Variants in COMMD1 observed in about 807,000 individuals in gnomAD.
COMMD1 encodes the protein COMM domain-containing protein 1.
Under a neutral mutation model 17.2 loss-of-function variants are expected in COMMD1, and 10 were observed. The observed-to-expected ratio is 0.58, with a 90% CI of 0.36 to 0.99. The LOEUF (loss-of-function observed/expected upper bound fraction) is 0.99. Among genes scored for constraint, COMMD1 ranks in the 50% least tolerant of loss-of-function variants. The pLI, the probability that COMMD1 is intolerant of heterozygous loss-of-function variation, is 0.01. For synonymous variants in COMMD1, 97 were observed against 91.6 expected (o/e 1.06, Z -0.34); for missense variants, 270 against 231.8 (o/e 1.17, Z -1.07).
chr2:62,126,295 G>A (rs1055099905), intron 2 of COMMD1, among the ~76,000 whole-genome samples: 6 of 152,314 alleles, frequency 3.9e-5, no homozygotes, highest in African/African-American at 1.4e-4. Flanking sequence ...CCAGTAAGGG[G>A]ATTGCTGGGT....
intron 2 of COMMD1, among the ~76,000 whole-genome samples, chr2:62,106,088 C>G (rs914457209): frequency 1.6e-4 from 25 of 152,150 alleles, no homozygotes; most frequent in African/African-American, 5.8e-4. Flanking sequence ...CCTCAAAATC[C>G]TGTACTCAAG....
chr2:62,096,629 A>G (rs1324494750), intron 2 of COMMD1, among the ~76,000 whole-genome samples: 1 of 152,114 alleles, frequency 6.6e-6, no homozygotes, highest in South Asian at 2.1e-4. Flanking sequence ...CTGCCTGTCA[A>G]CTCTAAGAAT....
intron 2 of COMMD1, among the ~76,000 whole-genome samples, chr2:62,008,094 G>C (rs1669172778): frequency 6.6e-6 from 1 of 152,118 alleles, no homozygotes; most frequent in African/African-American, 2.4e-5. Flanking sequence ...AGGATCCCTT[G>C]TGCCCAGGAG....
chr2:62,086,419 G>C (rs1671670147), intron 2 of COMMD1, among the ~76,000 whole-genome samples: 1 of 151,606 alleles, frequency 6.6e-6, no homozygotes, highest in South Asian at 2.1e-4. Flanking sequence ...GCTGAGGCAG[G>C]AGAATCGCGT....
intron 1 of COMMD1, among the ~76,000 whole-genome samples, chr2:61,919,263 C>T (rs1051951090): frequency 2.0e-5 from 3 of 152,160 alleles, no homozygotes; most frequent in Non-Finnish European, 2.9e-5. Context: ...GTGCCCGCCT[C>T]GGCCTCCCAA....
At position 62,103,909 on chromosome 2, in the gene COMMD1, C is replaced by T. The variant is rs375987472; in HGVS notation, c.463-31922C>T. On this transcript the variant is annotated intron_variant, in intron 2 of 2. Coordinates refer to ENST00000311832, the MANE Select transcript of COMMD1 (RefSeq NM_152516.4). ...ACGCTGGAGTGCAGTGGCATGATCTCGGCTTACTGCGACCTCTGCCTCCCA... is the reference window on the plus strand; with the variant it reads ...ACGCTGGAGTGCAGTGGCATGATCTTGGCTTACTGCGACCTCTGCCTCCCA... 9.9e-5 allele frequency among the ~76,000 whole-genome samples: 15 copies of T among 152,074 alleles called. No homozygotes were observed. The East Asian group carries it at 1.2e-3, about 12-fold the overall frequency.
At chr2:62,093,962 G>A (rs1444289403) in intron 2 of COMMD1, among the ~76,000 whole-genome samples, 1 of 152,182 alleles carries the variant, frequency 6.6e-6, no homozygotes, top group Non-Finnish European at 1.5e-5. Context: ...ATTCCTTGGA[G>A]TTGGACACTT....
intron 2 of COMMD1, among the ~76,000 whole-genome samples, chr2:62,096,374 A>C (rs918759368): frequency 2.6e-5 from 4 of 152,218 alleles, no homozygotes; most frequent in African/African-American, 9.6e-5. Context: ...AACAGCTTTC[A>C]CCAACAAGTC....
chr2:62,017,713 T>A (rs1043292915), intron 2 of COMMD1, among the ~76,000 whole-genome samples: 2 of 150,828 alleles, frequency 1.3e-5, no homozygotes. Context: ...ATCTTTTGGC[T>A]GTGTGGCTCT....
intron 2 of COMMD1, among the ~76,000 whole-genome samples, chr2:62,024,025 T>A (rs908607685): frequency 7.2e-5 from 11 of 152,192 alleles, no homozygotes; most frequent in South Asian, 2.1e-4. Context: ...ATCTAAATTT[T>A]AAAAAAATGT....
chr2:61,996,826 C>T (rs764089615), intron 1 of COMMD1, among the ~76,000 whole-genome samples: 1 of 152,212 alleles, frequency 6.6e-6, no homozygotes. Context: ...TATGCAGTTA[C>T]TTCCTCCACT....
chr2:62,015,522 C>A (rs1485360118), intron 2 of COMMD1, among the ~76,000 whole-genome samples: 1 of 151,936 alleles, frequency 6.6e-6, no homozygotes. Flanking sequence ...GTTTTTAATT[C>A]TTTTGGGTAT....
intron 1 of COMMD1, among the ~76,000 whole-genome samples, chr2:61,961,001 G>A (rs75034228): frequency 3.3e-5 from 5 of 152,054 alleles, no homozygotes; most frequent in African/African-American, 1.2e-4. Context: ...CTCTTCTCCC[G>A]GGGGCTGCCG....
At position 62,136,030 on chromosome 2, in the gene COMMD1, G is replaced by T; in HGVS notation, c.*89G>T. On this transcript the variant is annotated 3_prime_UTR_variant, in exon 3 of 3. Transcript: ENST00000311832. ...CTTTTCTAAGAAAATTCTTGTGCCC[G>T]CATTGGTATTAAATCCTCGCATTCA... The T allele has an allele frequency of 1.3e-6, 1 of 748,616 alleles. No homozygotes were observed. The highest frequency in any genetic ancestry group is 1.4e-5 in the South Asian group (1 of 71,146). The allele number at this position is 748,616 out of a possible 1,614,324, so 46.4% of individuals were successfully genotyped here.
At chr2:61,961,210 C>G (rs913139932) in intron 1 of COMMD1, among the ~76,000 whole-genome samples, 2 of 152,154 alleles carry the variant, frequency 1.3e-5, no homozygotes, top group Non-Finnish European at 2.9e-5. Flanking sequence ...CAGTAGCTGT[C>G]CAGCCACCAA....
chr2:62,050,412 T>A (rs532989512), intron 2 of COMMD1, among the ~76,000 whole-genome samples: 1 of 152,210 alleles, frequency 6.6e-6, no homozygotes, highest in Non-Finnish European at 1.5e-5. Flanking sequence ...GTATTTTGTG[T>A]ATCTTTCAGT....
chr2:62,052,782 TATC>T (rs1670573376), intron 2 of COMMD1, among the ~76,000 whole-genome samples: 1 of 152,104 alleles, frequency 6.6e-6, no homozygotes, highest in African/African-American at 2.4e-5. Context: ...ATCAAAAAAA[TATC>T]ATTCTTGGCC....
intron 1 of COMMD1, among the ~76,000 whole-genome samples, chr2:61,971,995 T>C (rs1181799801): frequency 6.6e-6 from 1 of 152,120 alleles, no homozygotes; most frequent in Non-Finnish European, 1.5e-5. Flanking sequence ...TGGTGGCACA[T>C]GTCTTTAGTT....
At chr2:62,051,765 A>T (rs1670542961) in intron 2 of COMMD1, among the ~76,000 whole-genome samples, 1 of 152,216 alleles carries the variant, frequency 6.6e-6, no homozygotes, top group Non-Finnish European at 1.5e-5. Context: ...TAAATAGTCC[A>T]AAGGTTTTAA....
Sources: allele counts gnomAD v4.1 joint callset (sites outside exome capture counted in the v4.1 genomes callset), GRCh38; gene constraint gnomAD v4.1.1; transcripts MANE v1.5; gene names NCBI Gene and HGNC (gene_info 2026-07-23, HGNC 2026-07-21).